The following TEX36 variants were observed in gnomAD, a reference collection of about 807,000 sequenced individuals.
The protein encoded by TEX36 is testis-expressed protein 36.
TEX36 carries 12 observed loss-of-function variants against 13.6 expected under a neutral mutation model. The observed-to-expected ratio is 0.88, with a 90% CI of 0.56 to 1.43. The LOEUF is 1.43. Among genes scored for constraint, TEX36 ranks in the 40% most tolerant of loss-of-function variants. The pLI is 0.00. For missense variants in TEX36, 224 were observed against 228.3 expected (o/e 0.98, Z 0.12); for synonymous variants, 93 against 83.0 (o/e 1.12, Z -0.65).
chr10:125,635,630 C>T (rs945353134), intron 3 of TEX36, among the ~76,000 whole-genome samples: 5 of 152,172 alleles, frequency 3.3e-5, no homozygotes, highest in African/African-American at 1.2e-4. Flanking sequence ...TCTTGTCCCC[C>T]AGCACTGCCA....
At chr10:125,670,967 C>T (rs1408736764) in intron 1 of TEX36, among the ~76,000 whole-genome samples, 1 of 152,020 alleles carries the variant, frequency 6.6e-6, no homozygotes, top group Non-Finnish European at 1.5e-5. Context: ...TAGTATCATG[C>T]TGTTTTGGTT....
Position 125,655,972 on chromosome 10 carries a change from T to C in TEX36, c.489A>G (p.Thr163=), listed in dbSNP as rs1205809921. 2 of 1,551,532 alleles carry C rather than the reference T, an allele frequency of 1.3e-6. No individual in the cohort carries two copies. Among genetic ancestry groups the C allele is most frequent in the East Asian group, 2.4e-5 (1 of 40,926 alleles). Residue 163 remains threonine (T), a synonymous_variant, in exon 4 of 4, where the codon ACA becomes ACG. Coordinates refer to ENST00000368821, the MANE Select transcript of TEX36 (RefSeq NM_001128202.3). ...AFTFLPERSY[T]EVLKKKPKVR... ...CTTTGGGCTTCTTTTTCAAAACCTC[T>C]GTATAGCTTCTCTCAGGAAGAAATG... is the stretch of plus-strand genomic sequence containing the variant.
At chr10:125,626,828 T>C (rs1032538518) in intron 3 of TEX36, among the ~76,000 whole-genome samples, 12 of 151,676 alleles carry the variant, frequency 7.9e-5, no homozygotes, top group Non-Finnish European at 1.8e-4. Context: ...TACTCAGAGG[T>C]TTCTATTGGT....
intron 3 of TEX36, among the ~76,000 whole-genome samples, chr10:125,649,056 A>C (rs1846814519): frequency 6.6e-6 from 1 of 152,224 alleles, no homozygotes; most frequent in African/African-American, 2.4e-5. Context: ...AGACAGGGAG[A>C]ATGGAACCAA....
intron 3 of TEX36, among the ~76,000 whole-genome samples, chr10:125,606,315 T>C (rs1387051416): frequency 6.6e-6 from 1 of 152,248 alleles, no homozygotes; most frequent in African/African-American, 2.4e-5. Flanking sequence ...CATCTTCCTT[T>C]CTGTCCAAAC....
rs1229991325 is a variant in TEX36 at position 125,656,125 on chromosome 10, A to C, written c.336T>G (p.Cys112Trp). The C allele has an allele frequency of 1.3e-6, 2 of 1,549,416 alleles. No homozygotes were observed. Among genetic ancestry groups the C allele is most frequent in the Admixed American group, 2.0e-5 (1 of 50,804 alleles). Reference protein sequence around the residue: ...HVSRNFNLWACDYVPSCLDGF... With the variant: ...HVSRNFNLWAWDYVPSCLDGF... ...CATCAAGACAAGATGGAACATAGTC[A>C]CATGCCCAGAGATTAAAATTTCTTG... is the stretch of plus-strand genomic sequence containing the variant. Residue 112 changes from cysteine to tryptophan, a missense_variant, in exon 4 of 4, where the codon TGT becomes TGG. Transcript: ENST00000368821.
chr10:125,618,660 C>T (rs1409690885), downstream of TEX36, among the ~76,000 whole-genome samples: 3 of 152,006 alleles, frequency 2.0e-5, no homozygotes, highest in African/African-American at 7.2e-5. Context: ...AGCTCCACAG[C>T]CTAGGTTCCT....
chr10:125,587,786 T>TAAAAAAAA (rs56198506), intron 3 of TEX36, among the ~76,000 whole-genome samples: 5 of 101,892 alleles, frequency 4.9e-5, no homozygotes, highest in East Asian at 2.6e-4. Flanking sequence ...GTCTCAAAAT[T>TAAAAAAAA]AAAAAAAAAA....
At chr10:125,590,450 C>G (rs1341918555) in intron 3 of TEX36, among the ~76,000 whole-genome samples, 1 of 151,962 alleles carries the variant, frequency 6.6e-6, no homozygotes. Flanking sequence ...AGGTGGGGGG[C>G]AGCTAATAAT....
At chr10:125,608,747 T>C (rs983978742) in intron 3 of TEX36, among the ~76,000 whole-genome samples, 5 of 151,436 alleles carry the variant, frequency 3.3e-5, no homozygotes, top group African/African-American at 1.2e-4. Context: ...CCTTTTGGAG[T>C]TGACAGTCTA....
At chr10:125,649,717 T>C (rs1335344926) in intron 3 of TEX36, among the ~76,000 whole-genome samples, 1 of 151,974 alleles carries the variant, frequency 6.6e-6, no homozygotes, top group Non-Finnish European at 1.5e-5. Flanking sequence ...GGATAAAGAG[T>C]CAAGAGCCAT....
chr10:125,661,778 G>T (rs143081958), intron 2 of TEX36, 68 bp downstream of exon 2: 2 of 1,527,276 alleles, frequency 1.3e-6, no homozygotes, highest in South Asian at 1.2e-5. Flanking sequence ...TTGGCCCAAC[G>T]TGCCAGCGGC....
chr10:125,655,766 T>A lies in TEX36; in HGVS notation c.*134A>T. 7.5e-7 allele frequency: 1 copy of A among 1,337,860 alleles called. No individual in the cohort carries two copies. The highest frequency in any genetic ancestry group is 9.6e-7 in the Non-Finnish European group (1 of 1,045,356). The allele number at this position is 1,337,860 out of a possible 1,614,324, so 82.9% of individuals were successfully genotyped here. On this transcript the variant is annotated 3_prime_UTR_variant, in exon 4 of 4. Transcript: ENST00000368821. ...CAAATTCATTTCACAAGGATTTGAA[T>A]GTTTTTTGACCTTATAAAAATCATA... is the stretch of plus-strand genomic sequence containing the variant.
At chr10:125,655,683 C>CT, downstream of TEX36, 1 of 1,235,868 alleles carries the variant, frequency 8.1e-7, no homozygotes, top group Middle Eastern at 3.2e-4. Context: ...CTTTTTAAAA[C>CT]TCCCCAAAAG....
At chr10:125,616,170 C>T (rs1846355398) in intron 3 of TEX36, among the ~76,000 whole-genome samples, 2 of 152,096 alleles carry the variant, frequency 1.3e-5, no homozygotes, top group Non-Finnish European at 2.9e-5. Flanking sequence ...TGATTCTTCT[C>T]TCTTTTTTTC....
At chr10:125,637,972 G>A (rs1307398995) in intron 3 of TEX36, among the ~76,000 whole-genome samples, 7 of 151,634 alleles carry the variant, frequency 4.6e-5, no homozygotes, top group Non-Finnish European at 1.0e-4. Flanking sequence ...TGGTGATGGC[G>A]TTCCCTTGAA....
At chr10:125,599,501 A>G (rs1330000740) in intron 3 of TEX36, among the ~76,000 whole-genome samples, 1 of 152,124 alleles carries the variant, frequency 6.6e-6, no homozygotes, top group Non-Finnish European at 1.5e-5. Context: ...CCTTTGTAAC[A>G]GGTGTCTTTC....
intron 3 of TEX36, among the ~76,000 whole-genome samples, chr10:125,650,371 C>A (rs949118107): frequency 5.3e-5 from 8 of 152,040 alleles, no homozygotes; most frequent in African/African-American, 1.2e-4. Flanking sequence ...CTACATGGAA[C>A]CTGAACAACC....
intron 3 of TEX36, among the ~76,000 whole-genome samples, chr10:125,621,840 C>T (rs893344130): frequency 2.1e-4 from 32 of 152,108 alleles, no homozygotes; most frequent in East Asian, 1.3e-3. Flanking sequence ...GGAGGAAGCA[C>T]CCATCATGGA....
Sources: allele counts gnomAD v4.1 joint callset (sites outside exome capture counted in the v4.1 genomes callset), GRCh38; gene constraint gnomAD v4.1.1; transcripts MANE v1.5; gene names NCBI Gene and HGNC (gene_info 2026-07-23, HGNC 2026-07-21).